RFTN2: variants seen among roughly 807,000 people sequenced by gnomAD.
RFTN2 encodes raftlin-2.
RFTN2 carries 34 observed loss-of-function variants against 52.7 expected under a neutral mutation model. The observed-to-expected ratio is 0.64, with a 90% CI of 0.49 to 0.86. RFTN2 has a LOEUF of 0.86. Ranked by LOEUF, RFTN2 falls within the 40% of genes least tolerant of loss-of-function variation. The probability of loss-of-function intolerance (pLI) is 0.00; values close to 1 mark genes in which losing one functional copy is unlikely to be tolerated. For missense variants in RFTN2, 536 were observed against 600.1 expected (o/e 0.89, Z 1.12); for synonymous variants, 203 against 217.7 (o/e 0.93, Z 0.59).
Position 197,583,811 on chromosome 2 carries a change from T to A in RFTN2, c.1234-11531A>T, listed in dbSNP as rs190048163. On this transcript the variant is annotated intron_variant, in intron 8 of 8. Transcript: ENST00000295049. ...CCCCACGACAGGCCCCGGTGTGTGA[T>A]GTTCCCCTTCTTGAGTCCAAGTGTT... Among the ~76,000 whole-genome samples, 185 of 152,214 alleles carry A rather than the reference T, an allele frequency of 1.2e-3. 1 individual carries two copies. Among genetic ancestry groups the A allele is most frequent in the Admixed American group, 4.4e-3 (68 of 15,294 alleles).
intron 1 of RFTN2, among the ~76,000 whole-genome samples, chr2:197,667,512 G>A (rs1409210167): frequency 6.6e-6 from 1 of 152,150 alleles, no homozygotes; most frequent in Non-Finnish European, 1.5e-5. Flanking sequence ...GTACTTTCAT[G>A]TGTCCTGCAT....
rs184333327 is a variant in RFTN2, at chr2:197,585,354, C to A, written c.1233+10637G>T. Among the ~76,000 whole-genome samples the A allele has an allele frequency of 2.2e-3, 330 of 152,300 alleles. 1 individual carries two copies. Among genetic ancestry groups the A allele is most frequent in the African/African-American group, 7.6e-3 (315 of 41,560 alleles). On this transcript the variant is annotated intron_variant, in intron 8 of 8. Coordinates refer to ENST00000295049, the MANE Select transcript of RFTN2 (RefSeq NM_144629.3). ...TTCTCAACTACTTGTAAATGCCCTG[C>A]CCTTGTTTACACTGGTGGTTTACCC...
chr2:197,638,100 G>A (rs2088599548), intron 3 of RFTN2, among the ~76,000 whole-genome samples: 1 of 151,132 alleles, frequency 6.6e-6, no homozygotes, highest in Non-Finnish European at 1.5e-5. Flanking sequence ...TGTGGTCTGA[G>A]AGATAGTTTG....
intron 3 of RFTN2, among the ~76,000 whole-genome samples, chr2:197,637,565 T>G (rs2088589697): frequency 6.6e-6 from 1 of 152,242 alleles, no homozygotes; most frequent in African/African-American, 2.4e-5. Flanking sequence ...TAGTTTGTAT[T>G]TCTGTGGGAT....
chr2:197,589,596 A>G (rs1260147860), intron 8 of RFTN2, among the ~76,000 whole-genome samples: 1 of 152,146 alleles, frequency 6.6e-6, no homozygotes, highest in Non-Finnish European at 1.5e-5. Flanking sequence ...TTTCATTTGC[A>G]CTTCCCTAAT....
intron 5 of RFTN2, among the ~76,000 whole-genome samples, chr2:197,620,733 G>C (rs929437343): frequency 3.3e-5 from 5 of 152,188 alleles, no homozygotes; most frequent in Admixed American, 3.3e-4. Flanking sequence ...TTGGGAGGCC[G>C]AGGCAGGCAG....
At chr2:197,639,791 G>A (rs370088191) in intron 3 of RFTN2, among the ~76,000 whole-genome samples, 2,209 of 142,224 alleles carry the variant, frequency 0.016, 37 homozygotes, top group African/African-American at 0.056. Flanking sequence ...GAGGAACTGC[G>A]TTCCTTTGGA....
At chr2:197,668,173 G>A (rs895716064) in intron 1 of RFTN2, among the ~76,000 whole-genome samples, 1 of 152,112 alleles carries the variant, frequency 6.6e-6, no homozygotes, top group Admixed American at 6.5e-5. Flanking sequence ...TCTCTGGAAG[G>A]AGTGTTCAGG....
intron 1 of RFTN2, among the ~76,000 whole-genome samples, chr2:197,672,388 C>A (rs749873653): frequency 2.6e-5 from 4 of 152,000 alleles, no homozygotes; most frequent in Non-Finnish European, 4.4e-5. Flanking sequence ...TGTGTATGAA[C>A]CTTTGAAGAG....
chr2:197,642,675 G>A (rs955460242), intron 3 of RFTN2, among the ~76,000 whole-genome samples: 1 of 152,028 alleles, frequency 6.6e-6, no homozygotes, highest in African/African-American at 2.4e-5. Context: ...TCCTAAGGAG[G>A]GGATTAAAAA....
intron 7 of RFTN2, among the ~76,000 whole-genome samples, chr2:197,607,173 C>T (rs2087975563): frequency 6.6e-6 from 1 of 152,160 alleles, no homozygotes; most frequent in Non-Finnish European, 1.5e-5. Flanking sequence ...AGTTCATGTT[C>T]TTTGTAGGGA....
chr2:197,663,160 T>A (rs559578518), intron 1 of RFTN2, among the ~76,000 whole-genome samples: 1 of 152,342 alleles, frequency 6.6e-6, no homozygotes, highest in Admixed American at 6.5e-5. Flanking sequence ...TTTGCATAAA[T>A]TAAACCATGT....
intron 6 of RFTN2, among the ~76,000 whole-genome samples, chr2:197,617,186 C>T (rs577441298): frequency 3.3e-5 from 5 of 152,244 alleles, no homozygotes; most frequent in Non-Finnish European, 7.4e-5. Context: ...AGTTGAGTGA[C>T]CAAATTTTTT....
chr2:197,624,969 T>G (rs1027688979), intron 5 of RFTN2, among the ~76,000 whole-genome samples: 12 of 151,876 alleles, frequency 7.9e-5, no homozygotes, highest in African/African-American at 2.9e-4. Flanking sequence ...AAAATTAAAT[T>G]AGAAATTGCT....
intron 1 of RFTN2, among the ~76,000 whole-genome samples, chr2:197,667,989 AG>A (rs2106273885): frequency 6.6e-6 from 1 of 152,008 alleles, no homozygotes; most frequent in Non-Finnish European, 1.5e-5. Flanking sequence ...CCCCCTGGGG[AG>A]CCAGTGTGGC....
intron 3 of RFTN2, among the ~76,000 whole-genome samples, chr2:197,635,350 C>A (rs1042344528): frequency 4.6e-5 from 7 of 152,134 alleles, no homozygotes; most frequent in East Asian, 1.9e-4. Context: ...TACAGTCCCA[C>A]CAACAGTGTA....
rs1359292254 is a variant in RFTN2 at position 197,626,571 on chromosome 2, A to AAATAAAT, written c.928+4433_928+4439dup. On this transcript the variant is annotated intron_variant, in intron 5 of 8. Coordinates refer to ENST00000295049, the MANE Select transcript of RFTN2 (RefSeq NM_144629.3). The stretch of plus-strand genomic sequence containing the variant: ...AGTGAGACCCCATCTACAAATAAAT[A>AAATAAAT]AATAAATAAATAAATAAAGTTAAAA... 3.4e-5 allele frequency among the ~76,000 whole-genome samples: 5 copies of AAATAAAT among 148,072 alleles called. No homozygotes were observed. The East Asian group carries it at 9.9e-4, about 29-fold the overall frequency.
chr2:197,582,195 T>C (rs1015059402), intron 8 of RFTN2, among the ~76,000 whole-genome samples: 6 of 152,268 alleles, frequency 3.9e-5, no homozygotes, highest in African/African-American at 1.4e-4. Context: ...CAACTCACTC[T>C]CTACAGTTCT....
At chr2:197,586,597 G>A (rs368413752) in intron 8 of RFTN2, among the ~76,000 whole-genome samples, 11 of 152,066 alleles carry the variant, frequency 7.2e-5, no homozygotes, top group Non-Finnish European at 1.3e-4. Context: ...ACACTGACAC[G>A]ACAAAAAAGA....
Sources: gnomAD v4.1 joint callset for allele counts (sites outside exome capture counted in the v4.1 genomes callset) on GRCh38, gnomAD v4.1.1 for gene constraint, MANE v1.5 for transcripts, NCBI Gene and HGNC (gene_info 2026-07-23, HGNC 2026-07-21) for gene names.